The following NPHP4 variants were observed in gnomAD, a reference collection of about 807,000 sequenced individuals.
NPHP4 encodes nephrocystin 4.
NPHP4 carries 151 observed loss-of-function variants against 155.8 expected under a neutral mutation model. That is an observed-to-expected ratio of 0.97 (90% CI 0.85 to 1.11). The LOEUF (loss-of-function observed/expected upper bound fraction) is 1.11. NPHP4 is among the 50% of genes least tolerant of loss of function. The pLI, the probability that NPHP4 is intolerant of heterozygous loss-of-function variation, is 0.00. For synonymous variants in NPHP4, 845 were observed against 816.8 expected (o/e 1.03, Z -0.59); for missense variants, 1,956 against 1,925.7 (o/e 1.02, Z -0.29).
intron 9 of NPHP4, among the ~76,000 whole-genome samples, chr1:5,945,196 G>T (rs753142392): frequency 1.3e-4 from 20 of 152,086 alleles, no homozygotes; most frequent in Non-Finnish European, 2.5e-4. Flanking sequence ...CAGCCCTCCT[G>T]CTCCTCCCCA....
At position 5,905,325 on chromosome 1, in the gene NPHP4, T is replaced by C. The variant is rs1385979919; in HGVS notation, c.1922A>G (p.Asn641Ser). Residue 641 changes from asparagine to serine, a missense_variant, in exon 15 of 30, where the codon AAC becomes AGC. By Grantham distance (46) the Asn-to-Ser change is conservative. Transcript: ENST00000378156. This position sits in a 1 kb window ranked among gnomAD's most constrained non-coding sequence, Gnocchi z 4.0. ...QKEESDCLQS[N>S]EMVLQFLAFS... Reference sequence around the variant, plus strand: ...GGCAAGAAACTGTAGCACCATCTCGTTGCTTTGTAGACAATCTGATTCTTC... The same window carrying C: ...GGCAAGAAACTGTAGCACCATCTCGCTGCTTTGTAGACAATCTGATTCTTC... The C allele has an allele frequency of 6.2e-7, 1 of 1,613,926 alleles. No individual in the cohort carries two copies.
intron 16 of NPHP4, among the ~76,000 whole-genome samples, chr1:5,893,451 G>A (rs995316176): frequency 3.3e-5 from 5 of 152,196 alleles, no homozygotes; most frequent in African/African-American, 9.6e-5. Flanking sequence ...CTGCCTGGCA[G>A]CCCAGGCAGA....
At chr1:5,911,809 G>A (rs1051522646) in intron 11 of NPHP4, among the ~76,000 whole-genome samples, 4 of 152,160 alleles carry the variant, frequency 2.6e-5, no homozygotes, top group Non-Finnish European at 4.4e-5. Context: ...TTTAATGTTC[G>A]ATGTGGTTAT....
intron 26 of NPHP4, chr1:5,865,605 G>A: frequency 4.0e-6 from 1 of 250,688 alleles, no homozygotes. Flanking sequence ...TCCTGGACAA[G>A]TGTCCACCCC....
At chr1:5,917,779 C>G (rs944627592) in intron 11 of NPHP4, among the ~76,000 whole-genome samples, 1 of 152,102 alleles carries the variant, frequency 6.6e-6, no homozygotes, top group East Asian at 1.9e-4. Flanking sequence ...TCCAGGCATA[C>G]GATGAGTCAG....
chr1:5,875,235 C>T (rs1642463452), intron 20 of NPHP4, 135 bp from the exon 21 acceptor site: 2 of 737,852 alleles, frequency 2.7e-6, no homozygotes, highest in South Asian at 3.3e-5. Flanking sequence ...CACCCCCTTC[C>T]TTGACCATGT....
chr1:5,869,456 T>C (rs377241715), intron 23 of NPHP4, among the ~76,000 whole-genome samples: 1 of 152,238 alleles, frequency 6.6e-6, no homozygotes, highest in Admixed American at 6.5e-5. Context: ...CTTCCAAATA[T>C]ATCTTGCTTT....
chr1:5,878,592 C>G (rs1044225633), intron 19 of NPHP4, among the ~76,000 whole-genome samples: 6 of 152,214 alleles, frequency 3.9e-5, no homozygotes, highest in African/African-American at 1.4e-4. Context: ...TTTCGTGCAA[C>G]TTGCTAATTG....
Position 5,880,454 on chromosome 1 carries a change from C to T in NPHP4, c.2486-215G>A, listed in dbSNP as rs555215914. ...TTTCAGCTAGGTCTTCATTCTCCTG[C>T]CGTGTCAGTGGCAGCCTCCGTTTCC... On this transcript the variant is annotated intron_variant, in intron 18 of 29. Transcript: ENST00000378156. The T allele has an allele frequency of 1.3e-3, 702 of 540,670 alleles. 6 individuals are homozygous for T. Among genetic ancestry groups the T allele is most frequent in the South Asian group, 9.5e-3 (412 of 43,156 alleles). The allele number at this position is 540,670 out of a possible 1,614,324, so 33.5% of individuals were successfully genotyped here.
intron 11 of NPHP4, among the ~76,000 whole-genome samples, chr1:5,919,643 G>T (rs747590862): frequency 6.6e-6 from 1 of 152,170 alleles, no homozygotes; most frequent in Non-Finnish European, 1.5e-5. Flanking sequence ...AAGATAAAAT[G>T]GTAGAGGCAT....
rs116161812 is a variant in NPHP4 at position 5,990,451 on chromosome 1, A to C, written c.-39+1793T>G. Among the ~76,000 whole-genome samples the C allele has an allele frequency of 8.9e-3, 1,359 of 152,202 alleles. 11 individuals are homozygous for C. Among genetic ancestry groups the C allele is most frequent in the African/African-American group, 0.031 (1,273 of 41,530 alleles). ...GGTACAGTGGGCTCTCCAGGGGAAA[A>C]AAAAAAAGAAGAAGAAGAAAATACA... On this transcript the variant is annotated intron_variant, in intron 1 of 29. Transcript: ENST00000378156.
chr1:5,951,988 C>T (rs1199054665), intron 7 of NPHP4, among the ~76,000 whole-genome samples: 2 of 152,370 alleles, frequency 1.3e-5, no homozygotes, highest in East Asian at 3.9e-4. Flanking sequence ...TCCCAGGGGC[C>T]ACAGGCAAAC....
At chr1:5,976,567 G>A (rs146636714) in intron 3 of NPHP4, among the ~76,000 whole-genome samples, 201 of 152,338 alleles carry the variant, frequency 1.3e-3, no homozygotes, top group African/African-American at 4.4e-3. Flanking sequence ...GCACTCTAAG[G>A]GTTCATCCGC....
At chr1:5,901,968 C>T (rs1177774151) in intron 16 of NPHP4, among the ~76,000 whole-genome samples, 1 of 152,166 alleles carries the variant, frequency 6.6e-6, no homozygotes, top group Non-Finnish European at 1.5e-5. Context: ...AAGACAAAGG[C>T]CACACCCCTG....
Position 5,882,349 on chromosome 1 carries a change from TGACGCGCTTACCCAGCCATCTCTCA to T in NPHP4, c.2486-2135_2486-2111del, listed in dbSNP as rs1643373186. Reference sequence around the variant, plus strand: ...GCGCGCTTACCCAGCCATCTCTCAGTGACGCGCTTACCCAGCCATCTCTCAGTGGTGCGCTTACCCAGCCATCTCT... The same window carrying T: ...GCGCGCTTACCCAGCCATCTCTCAGTGTGGTGCGCTTACCCAGCCATCTCT... On this transcript the variant is annotated intron_variant, in intron 18 of 29. Transcript: ENST00000378156. The surrounding 1 kb of genome is among the most constrained non-coding windows in gnomAD (Gnocchi z 5.1). 4.0e-5 allele frequency: 6 copies of T among 149,464 alleles called. No individual in the cohort carries two copies. Among genetic ancestry groups the T allele is most frequent in the Non-Finnish European group, 7.5e-5 (5 of 66,776 alleles). 9.3% of individuals were successfully genotyped at this position (149,464 alleles called of 1,614,324 possible). A position where few individuals can be genotyped will look rare whatever the true frequency, so the allele number is the denominator to read the frequency against.
At position 5,867,337 on chromosome 1, in the gene NPHP4, C is replaced by G; in HGVS notation, c.3473-222G>C. On this transcript the variant is annotated intron_variant, in intron 24 of 29. Coordinates refer to ENST00000378156, the MANE Select transcript of NPHP4 (RefSeq NM_015102.5). The surrounding 1 kb of genome is among the most constrained non-coding windows in gnomAD (Gnocchi z 4.1). The stretch of plus-strand genomic sequence containing the variant: ...CCAGCCCACTGCGGCTCGGCTGCAG[C>G]CATCTCCACAGGGAATAATCGAGGG... 1 of 566,916 alleles carries G rather than the reference C, an allele frequency of 1.8e-6. No homozygotes were observed. The highest frequency in any genetic ancestry group is 1.9e-5 in the African/African-American group (1 of 53,490). The allele number at this position is 566,916 out of a possible 1,614,324, so 35.1% of individuals were successfully genotyped here. A position where few individuals can be genotyped will look rare whatever the true frequency, so the allele number is the denominator to read the frequency against.
At chr1:5,939,339 T>C (rs1375762303) in intron 9 of NPHP4, among the ~76,000 whole-genome samples, 1 of 152,216 alleles carries the variant, frequency 6.6e-6, no homozygotes, top group African/African-American at 2.4e-5. Flanking sequence ...AACTTGACAA[T>C]GACTAAAAGA....
intron 11 of NPHP4, among the ~76,000 whole-genome samples, chr1:5,914,128 A>G (rs543574818): frequency 6.6e-6 from 1 of 152,206 alleles, no homozygotes; most frequent in African/African-American, 2.4e-5. Context: ...GATTAAAAGT[A>G]CTGACTACCA....
intron 11 of NPHP4, among the ~76,000 whole-genome samples, chr1:5,916,302 G>A (rs1645467695): frequency 1.3e-5 from 2 of 152,058 alleles, no homozygotes; most frequent in Non-Finnish European, 2.9e-5. Context: ...AGTGACAGCC[G>A]CATATCATTA....
Sources: allele counts gnomAD v4.1 joint callset (sites outside exome capture counted in the v4.1 genomes callset), GRCh38; gene constraint gnomAD v4.1.1; non-coding constraint Gnocchi (gnomAD v3.1); transcripts MANE v1.5; gene names NCBI Gene and HGNC (gene_info 2026-07-23, HGNC 2026-07-21).